The following ANKFN1 variants were observed in gnomAD, a reference collection of about 807,000 sequenced individuals.
ANKFN1 encodes the protein ankyrin repeat and fibronectin type-III domain-containing protein 1.
In ANKFN1, 74 loss-of-function variants were observed where a neutral mutation model predicts 108.7. That is an observed-to-expected ratio of 0.68 (90% confidence interval 0.56 to 0.83). ANKFN1 has a LOEUF of 0.83. ANKFN1 is among the 40% of genes least tolerant of loss of function. ANKFN1 has a pLI of 0.00. For synonymous variants in ANKFN1, 547 were observed against 516.2 expected (o/e 1.06, Z -0.81); for missense variants, 1,505 against 1,382.3 (o/e 1.09, Z -1.41).
In ANKFN1 at chr17:56,314,410, T is replaced by A. The variant is rs2045138159; in HGVS notation, c.54-11811T>A. Among the ~76,000 whole-genome samples, 2 of 152,226 alleles carry A rather than the reference T, an allele frequency of 1.3e-5. 1 individual carries two copies. Among genetic ancestry groups the A allele is most frequent in the South Asian group, 4.1e-4 (2 of 4,834 alleles). ...AGCAACCTAAAGGCACTATAGTTGCTCCACAACCTCACCAACTCTTGGTTT... is the reference window on the plus strand; with the variant it reads ...AGCAACCTAAAGGCACTATAGTTGCACCACAACCTCACCAACTCTTGGTTT... On this transcript the variant is annotated intron_variant, in intron 3 of 20. Transcript: ENST00000682825.
Position 56,466,479 on chromosome 17 carries a change from T to C in ANKFN1, c.1681T>C (p.Trp561Arg). 6.2e-6 allele frequency: 10 copies of C among 1,614,144 alleles called. No homozygotes were observed. Among genetic ancestry groups the C allele is most frequent in the Non-Finnish European group, 7.6e-6 (9 of 1,180,016 alleles). The change falls in exon 15 of 21, where the codon TGG becomes CGG. Residue 561 changes from tryptophan to arginine, a missense_variant. By Grantham distance (101) the Trp-to-Arg change is moderately radical (BLOSUM62 -3). Transcript: ENST00000682825. ...GCTTTATTCATTTTTTAATGGCAAATGGATGCAGATCTCAAAGCTGCAAAG... is the reference window on the plus strand; with the variant it reads ...GCTTTATTCATTTTTTAATGGCAAACGGATGCAGATCTCAAAGCTGCAAAG... ...EMLYSFFNGK[W>R]MQISKLQSQR...
At chr17:56,221,353 A>G (rs1915881027) in intron 2 of ANKFN1, among the ~76,000 whole-genome samples, 2 of 152,174 alleles carry the variant, frequency 1.3e-5, no homozygotes, top group African/African-American at 2.4e-5. Context: ...AATATATGCC[A>G]TATTTATACA....
At chr17:56,410,580 G>A (rs2048062675) in intron 8 of ANKFN1, among the ~76,000 whole-genome samples, 2 of 152,112 alleles carry the variant, frequency 1.3e-5, no homozygotes, top group Admixed American at 6.6e-5. Context: ...AATATATAAT[G>A]TATTATTAAT....
At chr17:56,350,155 G>C (rs2046208688) in intron 4 of ANKFN1, among the ~76,000 whole-genome samples, 1 of 152,126 alleles carries the variant, frequency 6.6e-6, no homozygotes, top group Non-Finnish European at 1.5e-5. Flanking sequence ...AGGGTATCTG[G>C]GGTAAGCAGG....
rs60304505 is a variant in ANKFN1 at position 56,170,774 on chromosome 17, TTATATATATA to T, written c.-71+17269_-71+17278del. On this transcript the variant is annotated intron_variant, in intron 1 of 20. Coordinates refer to ENST00000682825, the MANE Select transcript of ANKFN1 (RefSeq NM_001370326.1). ...TGAGACTCTGTCAAGAAAAAATTTT[TTATATATATA>T]TATATATATATATATATATATATAC... 9.1e-3 allele frequency among the ~76,000 whole-genome samples: 621 copies of T among 68,102 alleles called. 18 individuals are homozygous for T. Among genetic ancestry groups the T allele is most frequent in the African/African-American group, 0.047 (585 of 12,344 alleles). 44.7% of individuals were successfully genotyped at this position (68,102 alleles called of 152,430 possible). A position where few individuals can be genotyped will look rare whatever the true frequency, so the allele number is the denominator to read the frequency against.
chr17:56,152,946 G>A (rs1285875340), upstream of ANKFN1, among the ~76,000 whole-genome samples: 1 of 152,128 alleles, frequency 6.6e-6, no homozygotes, highest in Non-Finnish European at 1.5e-5. Flanking sequence ...CAGACTTCTA[G>A]GAAACAGCCA....
At chr17:56,294,087 T>G (rs1209551539) in intron 3 of ANKFN1, among the ~76,000 whole-genome samples, 1 of 152,230 alleles carries the variant, frequency 6.6e-6, no homozygotes, top group Non-Finnish European at 1.5e-5. Context: ...TTCACCTCCA[T>G]CACCGTGAGA....
chr17:56,422,058 A>G (rs1474503965), intron 8 of ANKFN1, among the ~76,000 whole-genome samples: 3 of 152,218 alleles, frequency 2.0e-5, no homozygotes, highest in African/African-American at 7.2e-5. Context: ...GAAAAATCAG[A>G]TATTTCCAAA....
chr17:56,176,260 G>A (rs938460878), intron 1 of ANKFN1, among the ~76,000 whole-genome samples: 3 of 152,112 alleles, frequency 2.0e-5, no homozygotes, highest in South Asian at 4.1e-4. Flanking sequence ...TTGCTTTCAT[G>A]CCAGGTTCTG....
At chr17:56,198,747 T>G (rs1167780123) in intron 1 of ANKFN1, among the ~76,000 whole-genome samples, 1 of 152,238 alleles carries the variant, frequency 6.6e-6, no homozygotes, top group Non-Finnish European at 1.5e-5. Context: ...GATCTGTATT[T>G]TCTCCCATGT....
chr17:56,216,089 A>G (rs956252363), intron 2 of ANKFN1, among the ~76,000 whole-genome samples: 5 of 152,212 alleles, frequency 3.3e-5, no homozygotes, highest in South Asian at 4.1e-4. Flanking sequence ...TTTTGTGAGA[A>G]AGAACTTCAG....
intron 1 of ANKFN1, among the ~76,000 whole-genome samples, chr17:56,157,542 G>A (rs1301789106): frequency 6.6e-6 from 1 of 152,108 alleles, no homozygotes; most frequent in Non-Finnish European, 1.5e-5. Context: ...TTCCTCTCTC[G>A]AGACTTTAGG....
chr17:56,067,977 T>A (rs185699248), intron 4 of ANKFN1, among the ~76,000 whole-genome samples: 91 of 152,234 alleles, frequency 6.0e-4, no homozygotes, highest in African/African-American at 2.1e-3. Flanking sequence ...GCCTATCATC[T>A]AAGGCCTTTC....
intron 17 of ANKFN1, among the ~76,000 whole-genome samples, chr17:56,481,945 C>T (rs2050720368): frequency 6.6e-6 from 1 of 151,800 alleles, no homozygotes; most frequent in African/African-American, 2.4e-5. Context: ...ACAGTGCATA[C>T]AACTTTTTTT....
At chr17:56,472,816 T>C (rs1459084970) in intron 15 of ANKFN1, 2 of 151,970 alleles carry the variant, frequency 1.3e-5, no homozygotes, top group Non-Finnish European at 2.9e-5. Context: ...GCAGAAGAGA[T>C]GGCATTTGGC....
chr17:56,261,359 A>C (rs1365051639), intron 3 of ANKFN1, among the ~76,000 whole-genome samples: 2 of 152,238 alleles, frequency 1.3e-5, no homozygotes, highest in Non-Finnish European at 2.9e-5. Context: ...TTTGCAGTTG[A>C]ACCTGGGTAG....
intron 11 of ANKFN1, among the ~76,000 whole-genome samples, chr17:56,451,100 A>G (rs1468830560): frequency 6.6e-6 from 1 of 152,238 alleles, no homozygotes; most frequent in Non-Finnish European, 1.5e-5. Context: ...TCAGTGATCC[A>G]ATAATATGCT....
intron 4 of ANKFN1, among the ~76,000 whole-genome samples, chr17:56,046,614 A>G (rs1282611368): frequency 6.6e-6 from 1 of 152,070 alleles, no homozygotes; most frequent in Non-Finnish European, 1.5e-5. Flanking sequence ...TGTCCAGAGG[A>G]GCTTTCCCAG....
intron 4 of ANKFN1, among the ~76,000 whole-genome samples, chr17:56,074,202 TGAG>T (rs1268531850): frequency 6.6e-6 from 1 of 152,220 alleles, no homozygotes; most frequent in Non-Finnish European, 1.5e-5. Flanking sequence ...TAGTGGCATG[TGAG>T]AAGAGGCACT....
Sources: gnomAD v4.1 joint callset for allele counts (sites outside exome capture counted in the v4.1 genomes callset) on GRCh38, gnomAD v4.1.1 for gene constraint, MANE v1.5 for transcripts, NCBI Gene and HGNC (gene_info 2026-07-23, HGNC 2026-07-21) for gene names.